DCAF8L2: variants seen among roughly 807,000 people sequenced by gnomAD.
DCAF8L2 encodes the protein DDB1 and CUL4 associated factor 8 like 2.
For missense variants in DCAF8L2, 430 were observed against 490.7 expected (o/e 0.88, Z 1.17); for synonymous variants, 200 against 190.9 (o/e 1.05, Z -0.39).
the DCAF8L2 span, among the ~76,000 whole-genome samples, chrX:27,474,951 A>T: frequency 4.7e-4 from 52 of 111,175 alleles, no homozygotes; most frequent in Non-Finnish European, 8.3e-4. Flanking sequence ...TGGGCCTTGG[A>T]TGCTTTGGAA....
intron 3 of DCAF8L2, among the ~76,000 whole-genome samples, chrX:27,679,898 T>C (rs1294711632): frequency 1.8e-5 from 2 of 111,761 alleles, no homozygotes; most frequent in African/African-American, 6.5e-5. Context: ...ATCCAGCAAA[T>C]AGATCTAGCT....
chrX:27,703,943 G>A (rs1198603423), intron 3 of DCAF8L2, among the ~76,000 whole-genome samples: 2 of 108,454 alleles, frequency 1.8e-5, no homozygotes, highest in Non-Finnish European at 3.8e-5. Context: ...CATAAAGGAA[G>A]TGAAAAGAAA....
chrX:27,740,212 T>G (rs1921770639), intron 4 of DCAF8L2, among the ~76,000 whole-genome samples: 1 of 112,030 alleles, frequency 8.9e-6, no homozygotes, highest in Non-Finnish European at 1.9e-5. Context: ...GCCAATAGCC[T>G]AATTCACCTC....
the DCAF8L2 span, among the ~76,000 whole-genome samples, chrX:27,481,831 A>G: frequency 1.8e-5 from 2 of 111,956 alleles, no homozygotes; most frequent in Admixed American, 9.5e-5. Context: ...GGGAAAGTCT[A>G]TGTGTTAGGA....
intron 2 of DCAF8L2, among the ~76,000 whole-genome samples, chrX:27,648,914 T>C (rs1361704144): frequency 8.9e-6 from 1 of 111,929 alleles, no homozygotes; most frequent in Non-Finnish European, 1.9e-5. Context: ...GGCAAGTGGG[T>C]TAGTACTGTA....
chrX:27,717,969 A>G (rs1177356236), intron 4 of DCAF8L2, among the ~76,000 whole-genome samples: 4 of 112,060 alleles, frequency 3.6e-5, no homozygotes, highest in Non-Finnish European at 7.5e-5. Context: ...TCATTTCTCT[A>G]TTATAAAATA....
chrX:27,745,071 T>C (rs182755574), intron 4 of DCAF8L2, among the ~76,000 whole-genome samples: 13 of 112,266 alleles, frequency 1.2e-4, no homozygotes, highest in African/African-American at 2.9e-4. Flanking sequence ...TGTTTTTGTG[T>C]TCCATGGCTG....
At chrX:27,661,778 A>T (rs1261923724) in intron 2 of DCAF8L2, among the ~76,000 whole-genome samples, 1 of 111,945 alleles carries the variant, frequency 8.9e-6, no homozygotes, top group African/African-American at 3.2e-5. Flanking sequence ...GAGAAACAGT[A>T]ATACGCCTTT....
At chrX:27,587,985 A>AAAATATATATATATATATAT, upstream of DCAF8L2, among the ~76,000 whole-genome samples, 20 of 22,359 alleles carry the variant, frequency 8.9e-4, no homozygotes, top group African/African-American at 1.4e-3. Context: ...TAAAAAAAAA[A>AAAATATATATATATATATAT]ATATATATAT....
intron 2 of DCAF8L2, among the ~76,000 whole-genome samples, chrX:27,640,592 A>T (rs1378294754): frequency 1.8e-5 from 2 of 111,761 alleles, no homozygotes; most frequent in Admixed American, 9.6e-5. Context: ...CACTTAGGTA[A>T]ATCCTAATAG....
chrX:27,733,664 C>A (rs921020205), intron 4 of DCAF8L2, among the ~76,000 whole-genome samples: 4 of 111,239 alleles, frequency 3.6e-5, no homozygotes, highest in African/African-American at 6.5e-5. Context: ...AATTTCATTT[C>A]TTATATTTAG....
intron 1 of DCAF8L2, among the ~76,000 whole-genome samples, chrX:27,615,806 T>C (rs1289930542): frequency 1.8e-5 from 2 of 111,359 alleles, no homozygotes; most frequent in African/African-American, 6.5e-5. Flanking sequence ...TATTCAAAGA[T>C]CTACAATGTC....
At chrX:27,638,855 C>T (rs1928597502) in intron 2 of DCAF8L2, among the ~76,000 whole-genome samples, 1 of 111,505 alleles carries the variant, frequency 9.0e-6, no homozygotes, top group Middle Eastern at 4.7e-3. Flanking sequence ...CCACCCCCAC[C>T]CAAAGAGTTT....
the DCAF8L2 span, among the ~76,000 whole-genome samples, chrX:27,563,315 G>A: frequency 1.8e-5 from 2 of 111,223 alleles, no homozygotes; most frequent in Non-Finnish European, 3.8e-5. Flanking sequence ...CTTAAATTTA[G>A]GTATTGTTTA....
chrX:27,534,245 A>G, the DCAF8L2 span, among the ~76,000 whole-genome samples: 1 of 111,251 alleles, frequency 9.0e-6, no homozygotes, highest in Admixed American at 9.6e-5. Flanking sequence ...ATTGATGTCA[A>G]TATCTCGACT....
the DCAF8L2 span, chrX:27,519,534 A>G: frequency 1.3e-6 from 1 of 795,140 alleles, no homozygotes; most frequent in South Asian, 2.1e-5. Flanking sequence ...AGACCAAAGA[A>G]GAGTTAAAAA....
At chrX:27,637,471 G>A (rs1248344896) in intron 2 of DCAF8L2, among the ~76,000 whole-genome samples, 1 of 112,074 alleles carries the variant, frequency 8.9e-6, no homozygotes, top group African/African-American at 3.2e-5. Context: ...CCATTAGGAT[G>A]TTCTTTCCAC....
the DCAF8L2 span, among the ~76,000 whole-genome samples, chrX:27,499,285 T>G: frequency 3.6e-5 from 4 of 112,086 alleles, no homozygotes; most frequent in African/African-American, 1.3e-4. Flanking sequence ...TGAGGTAATA[T>G]CTCATTGTGG....
chrX:27,480,641 CACTGTT>C, the DCAF8L2 span, among the ~76,000 whole-genome samples: 1 of 111,908 alleles, frequency 8.9e-6, no homozygotes, highest in African/African-American at 3.2e-5. Context: ...CATCTGGTAA[CACTGTT>C]ACTTCCCTAG....
Sources: allele counts gnomAD v4.1 joint callset (sites outside exome capture counted in the v4.1 genomes callset), GRCh38; gene constraint gnomAD v4.1.1; transcripts MANE v1.5; gene names NCBI Gene and HGNC (gene_info 2026-07-23, HGNC 2026-07-21).